Variants in MRPL1 observed in about 807,000 individuals in gnomAD.
MRPL1 encodes mitochondrial ribosomal protein L1.
In MRPL1, 28 loss-of-function variants were observed where a neutral mutation model predicts 38.0. The observed-to-expected ratio is 0.74, with a 90% CI of 0.55 to 1.01. The LOEUF (loss-of-function observed/expected upper bound fraction) is 1.01. Among genes scored for constraint, MRPL1 ranks in the 50% least tolerant of loss-of-function variants. MRPL1 has a pLI of 0.00. For missense variants in MRPL1, 358 were observed against 389.8 expected, an observed-to-expected ratio of 0.92 and a Z score of 0.69; for synonymous variants, 123 against 126.7, an observed-to-expected ratio of 0.97 and a Z score of 0.20.
chr4:77,875,270 G>T (rs1336818661), intron 2 of MRPL1, among the ~76,000 whole-genome samples: 12 of 152,168 alleles, frequency 7.9e-5, no homozygotes, highest in African/African-American at 2.9e-4. Flanking sequence ...CATATTAGAG[G>T]ATTGGATCAA....
intron 7 of MRPL1, among the ~76,000 whole-genome samples, chr4:77,929,430 A>G (rs965521677): frequency 3.1e-4 from 47 of 152,314 alleles, no homozygotes; most frequent in Non-Finnish European, 1.3e-4. Context: ...AATAACATTT[A>G]TTAATATAGT....
chr4:77,872,508 A>G (rs1219130622), intron 2 of MRPL1, among the ~76,000 whole-genome samples: 1 of 152,070 alleles, frequency 6.6e-6, no homozygotes, highest in Non-Finnish European at 1.5e-5. Context: ...AAGGCAGGCA[A>G]ATCACTTGAG....
chr4:77,867,819 C>A (rs998554698), intron 1 of MRPL1, among the ~76,000 whole-genome samples: 32 of 144,270 alleles, frequency 2.2e-4, no homozygotes, highest in Non-Finnish European at 3.7e-4. Context: ...GGCAGTGGCA[C>A]GATCTCGGCT....
chr4:77,952,610 G>T lies in MRPL1; in HGVS notation c.*3G>T. The T allele has an allele frequency of 6.5e-7, 1 of 1,547,128 alleles. No individual in the cohort carries two copies. Among genetic ancestry groups the T allele is most frequent in the Non-Finnish European group, 8.9e-7 (1 of 1,122,128 alleles). ...AAAGTGAAAAAGAAGATGCCTAAAT[G>T]TGGTGAATTGTGAAATTACTTTCAG... On this transcript the variant is annotated 3_prime_UTR_variant, in exon 9 of 9. Transcript: ENST00000315567.
At chr4:77,928,519 G>A (rs527912024) in intron 7 of MRPL1, among the ~76,000 whole-genome samples, 21 of 152,122 alleles carry the variant, frequency 1.4e-4, no homozygotes, top group Middle Eastern at 3.4e-3. Flanking sequence ...TATTTTTGGT[G>A]TACTATAGTG....
intron 6 of MRPL1, among the ~76,000 whole-genome samples, chr4:77,899,574 A>G (rs1427002848): frequency 6.6e-6 from 1 of 152,044 alleles, no homozygotes; most frequent in East Asian, 1.9e-4. Flanking sequence ...GTCTGTTCTT[A>G]GTTTTCTCTG....
chr4:77,898,989 A>AT (rs745761741), intron 6 of MRPL1, among the ~76,000 whole-genome samples: 6,739 of 95,046 alleles, frequency 0.071, 396 homozygotes, highest in African/African-American at 0.15. Context: ...TTATGCACAG[A>AT]TTTTTTTTTT....
chr4:77,865,655 C>T (rs989869471), intron 1 of MRPL1, among the ~76,000 whole-genome samples: 4 of 152,166 alleles, frequency 2.6e-5, no homozygotes, highest in African/African-American at 9.7e-5. Flanking sequence ...CTCTGAGCCA[C>T]TGCACCTGGC....
At chr4:77,927,808 TA>T (rs1464559875) in intron 7 of MRPL1, among the ~76,000 whole-genome samples, 1 of 152,172 alleles carries the variant, frequency 6.6e-6, no homozygotes, top group African/African-American at 2.4e-5. Context: ...TACAATCATG[TA>T]AATATCCAGA....
intron 2 of MRPL1, among the ~76,000 whole-genome samples, chr4:77,878,902 T>C (rs1330605026): frequency 6.6e-6 from 1 of 152,064 alleles, no homozygotes; most frequent in African/African-American, 2.4e-5. Flanking sequence ...TCATATTTTA[T>C]TGGGTATGAC....
intron 3 of MRPL1, among the ~76,000 whole-genome samples, chr4:77,884,882 G>A (rs570693115): frequency 2.6e-5 from 4 of 152,334 alleles, no homozygotes; most frequent in African/African-American, 9.6e-5. Context: ...GGAAAGCATT[G>A]TACTAGTGCT....
intron 7 of MRPL1, among the ~76,000 whole-genome samples, chr4:77,929,243 A>G (rs560916467): frequency 6.6e-6 from 1 of 152,202 alleles, no homozygotes; most frequent in African/African-American, 2.4e-5. Context: ...TGGGCAACAT[A>G]GCAAGATCCC....
At chr4:77,934,651 A>G (rs1249416009) in intron 7 of MRPL1, among the ~76,000 whole-genome samples, 1 of 152,242 alleles carries the variant, frequency 6.6e-6, no homozygotes, top group East Asian at 1.9e-4. Flanking sequence ...AATTAAACAT[A>G]GAATTATATG....
chr4:77,865,110 G>A (rs1017072135), intron 1 of MRPL1, among the ~76,000 whole-genome samples: 4 of 151,492 alleles, frequency 2.6e-5, no homozygotes, highest in Non-Finnish European at 5.9e-5. Flanking sequence ...GGCTGGTCTC[G>A]AACTCCTGAT....
intron 6 of MRPL1, among the ~76,000 whole-genome samples, chr4:77,898,969 T>C (rs114444436): frequency 1.7e-3 from 255 of 151,674 alleles, no homozygotes; most frequent in African/African-American, 5.7e-3. Flanking sequence ...GTTTAACTTT[T>C]TACAGTTACT....
chr4:77,933,948 CTA>C (rs1736905312), intron 7 of MRPL1, among the ~76,000 whole-genome samples: 1 of 152,082 alleles, frequency 6.6e-6, no homozygotes, highest in Non-Finnish European at 1.5e-5. Flanking sequence ...TACAGTAACT[CTA>C]TTGATAATTA....
At chr4:77,874,001 C>CT (rs1184872676) in intron 2 of MRPL1, among the ~76,000 whole-genome samples, 2,965 of 139,636 alleles carry the variant, frequency 0.021, 34 homozygotes, top group Middle Eastern at 0.044. Flanking sequence ...ATATTGCCTG[C>CT]TTTTTTTTTT....
chr4:77,932,213 T>C (rs777905809), intron 7 of MRPL1, among the ~76,000 whole-genome samples: 2 of 152,180 alleles, frequency 1.3e-5, no homozygotes, highest in Non-Finnish European at 2.9e-5. Context: ...CAAACTGGAA[T>C]TACGGGGGTG....
At chr4:77,893,933 G>C (rs531078296) in intron 5 of MRPL1, among the ~76,000 whole-genome samples, 1 of 151,846 alleles carries the variant, frequency 6.6e-6, no homozygotes, top group Admixed American at 6.6e-5. Flanking sequence ...TTTTTTTAAG[G>C]ATGTGGCTGT....
Sources: allele counts gnomAD v4.1 joint callset (sites outside exome capture counted in the v4.1 genomes callset), GRCh38; gene constraint gnomAD v4.1.1; transcripts MANE v1.5; gene names NCBI Gene and HGNC (gene_info 2026-07-23, HGNC 2026-07-21).